The following VPS13B variants were observed in gnomAD, a reference collection of about 807,000 sequenced individuals.
The protein encoded by VPS13B is vacuolar protein sorting 13 homolog B, also known as intermembrane lipid transfer protein VPS13B.
A neutral mutation model predicts 426.4 loss-of-function variants in VPS13B; 285 were observed. The ratio of observed to expected loss-of-function variants is 0.67; its 90% CI spans 0.61 to 0.74. The LOEUF (loss-of-function observed/expected upper bound fraction) is 0.74. Among genes scored for constraint, VPS13B ranks in the 30% least tolerant of loss-of-function variants. VPS13B has a pLI of 0.00. For synonymous variants in VPS13B, 1,676 were observed against 1,676.4 expected (o/e 1.00, Z 0.01); for missense variants, 4,537 against 4,782.6 (o/e 0.95, Z 1.51).
At chr8:99,874,139 A>G (rs1234373243) in intron 61 of VPS13B, among the ~76,000 whole-genome samples, 1 of 152,244 alleles carries the variant, frequency 6.6e-6, no homozygotes, top group African/African-American at 2.4e-5. Context: ...GAGTGGCTCA[A>G]AATGAGTCAG....
chr8:99,451,070 C>T (rs910121410), intron 23 of VPS13B, among the ~76,000 whole-genome samples: 1 of 152,096 alleles, frequency 6.6e-6, no homozygotes, highest in Non-Finnish European at 1.5e-5. Context: ...TAAATGAGAC[C>T]TCTTTATTTA....
intron 7 of VPS13B, chr8:99,120,557 A>G (rs1847886425): frequency 6.6e-6 from 1 of 152,202 alleles, no homozygotes; most frequent in Admixed American, 6.5e-5. Context: ...CAGCTGTACA[A>G]CAGGAAAGGT....
chr8:99,302,279 T>C (rs1224547073), intron 19 of VPS13B, among the ~76,000 whole-genome samples: 1 of 152,234 alleles, frequency 6.6e-6, no homozygotes, highest in Admixed American at 6.5e-5. Flanking sequence ...CTATAAATAT[T>C]TCTCAACTTA....
chr8:99,448,498 T>G (rs1051039732), intron 23 of VPS13B, among the ~76,000 whole-genome samples: 1 of 152,152 alleles, frequency 6.6e-6, no homozygotes, highest in Non-Finnish European at 1.5e-5. Context: ...ATAAAAATAT[T>G]ATAAGCCTTT....
intron 30 of VPS13B, among the ~76,000 whole-genome samples, chr8:99,525,686 T>C (rs1047705777): frequency 3.3e-5 from 5 of 152,190 alleles, no homozygotes; most frequent in African/African-American, 7.2e-5. Flanking sequence ...AAATCCCTGC[T>C]CTCACAGAAC....
chr8:99,029,437 G>T (rs1842389333), intron 2 of VPS13B, among the ~76,000 whole-genome samples: 1 of 151,914 alleles, frequency 6.6e-6, no homozygotes, highest in Admixed American at 6.6e-5. Context: ...GCTGGGAGGT[G>T]GTTGTAGCGA....
intron 17 of VPS13B, among the ~76,000 whole-genome samples, chr8:99,221,813 A>C (rs1408682718): frequency 6.6e-6 from 1 of 152,182 alleles, no homozygotes; most frequent in Admixed American, 6.5e-5. Flanking sequence ...GGCTCAGGCC[A>C]TGCTCCTGCC....
chr8:99,700,915 A>G (rs894338891), intron 36 of VPS13B, among the ~76,000 whole-genome samples: 7 of 152,094 alleles, frequency 4.6e-5, no homozygotes, highest in African/African-American at 1.7e-4. Context: ...TGTGGGGGGA[A>G]ATTGGGGATT....
chr8:99,520,149 G>A (rs1202392961), intron 29 of VPS13B, among the ~76,000 whole-genome samples: 1 of 151,436 alleles, frequency 6.6e-6, no homozygotes, highest in Non-Finnish European at 1.5e-5. Flanking sequence ...ACCTTTTTTT[G>A]TTTTCTGGGA....
At chr8:99,388,063 T>C (rs16897325) in intron 20 of VPS13B, among the ~76,000 whole-genome samples, 11,068 of 152,230 alleles carry the variant, frequency 0.073, 488 homozygotes, top group African/African-American at 0.12. Flanking sequence ...TTAAAAATTA[T>C]ACAATAGACC....
chr8:99,259,065 C>T (rs1012856193), intron 17 of VPS13B, among the ~76,000 whole-genome samples: 1 of 151,920 alleles, frequency 6.6e-6, no homozygotes, highest in African/African-American at 2.4e-5. Context: ...ATGCCAAATG[C>T]ACTATTAACC....
At chr8:99,273,563 T>C (rs1818720279) in intron 17 of VPS13B, among the ~76,000 whole-genome samples, 1 of 152,066 alleles carries the variant, frequency 6.6e-6, no homozygotes, top group Admixed American at 6.5e-5. Context: ...GTTGGGTGGA[T>C]CACCTGAGGT....
chr8:99,308,956 T>G (rs992876935), intron 19 of VPS13B, among the ~76,000 whole-genome samples: 1 of 152,240 alleles, frequency 6.6e-6, no homozygotes, highest in African/African-American at 2.4e-5. Flanking sequence ...TTTTCATGTG[T>G]CTGTGGGCTG....
At chr8:99,693,164 A>G (rs1831766339) in intron 35 of VPS13B, among the ~76,000 whole-genome samples, 1 of 148,966 alleles carries the variant, frequency 6.7e-6, no homozygotes, top group South Asian at 2.1e-4. Flanking sequence ...CAATCAATAG[A>G]AAAACAGGGA....
At chr8:99,269,967 A>G (rs764195321) in intron 17 of VPS13B, among the ~76,000 whole-genome samples, 1 of 151,862 alleles carries the variant, frequency 6.6e-6, no homozygotes, top group Non-Finnish European at 1.5e-5. Flanking sequence ...AAATTACTTT[A>G]TAAAAAACTT....
intron 20 of VPS13B, among the ~76,000 whole-genome samples, chr8:99,388,095 T>G (rs1175830458): frequency 6.6e-6 from 1 of 152,152 alleles, no homozygotes; most frequent in Non-Finnish European, 1.5e-5. Context: ...GTCTCAAAAA[T>G]TGTAGTTGAT....
chr8:99,639,941 C>T (rs1347813993), intron 33 of VPS13B, among the ~76,000 whole-genome samples: 1 of 147,308 alleles, frequency 6.8e-6, no homozygotes, highest in African/African-American at 2.5e-5. Flanking sequence ...CACACCACTG[C>T]ACTCCAACCT....
At chr8:99,361,578 C>G (rs1340257907) in intron 19 of VPS13B, among the ~76,000 whole-genome samples, 1 of 152,236 alleles carries the variant, frequency 6.6e-6, no homozygotes, top group African/African-American at 2.4e-5. Flanking sequence ...TATTTTAACC[C>G]TACTAGGTTT....
intron 39 of VPS13B, among the ~76,000 whole-genome samples, chr8:99,742,355 T>G (rs1323667995): frequency 1.3e-5 from 2 of 151,444 alleles, no homozygotes; most frequent in Non-Finnish European, 2.9e-5. Context: ...CCAAAAAGAG[T>G]CCAGGACCAG....
Sources: allele counts gnomAD v4.1 joint callset (sites outside exome capture counted in the v4.1 genomes callset), GRCh38; gene constraint gnomAD v4.1.1; transcripts MANE v1.5; gene names NCBI Gene and HGNC (gene_info 2026-07-23, HGNC 2026-07-21).